The following DOCK7 variants were observed in gnomAD, a reference collection of about 807,000 sequenced individuals.
DOCK7 encodes dedicator of cytokinesis 7, also known as dedicator of cytokinesis protein 7.
DOCK7 carries 138 observed loss-of-function variants against 271.0 expected under a neutral mutation model. The ratio of observed to expected loss-of-function variants is 0.51; its 90% CI spans 0.44 to 0.59. The LOEUF is 0.59. Ranked by LOEUF, DOCK7 falls within the 20% of genes least tolerant of loss-of-function variation. DOCK7 has a pLI of 0.00. For synonymous variants in DOCK7, 823 were observed against 876.1 expected, an observed-to-expected ratio of 0.94 and a Z score of 1.07; for missense variants, 2,066 against 2,592.4, an observed-to-expected ratio of 0.80 and a Z score of 4.41.
rs1422451855 is a variant in DOCK7, at chr1:62,483,926, C to T, written c.5508+3472G>A. Reference sequence around the variant, plus strand: ...AGTGTCACATTTACCCACTTGACTACCCAAAAGTACTTGTTTTCACTATGC... The same window carrying T: ...AGTGTCACATTTACCCACTTGACTATCCAAAAGTACTTGTTTTCACTATGC... On this transcript the variant is annotated intron_variant, in intron 43 of 49. Coordinates refer to ENST00000635253, the MANE Select transcript of DOCK7 (RefSeq NM_001367561.1). 3.3e-5 allele frequency: 5 copies of T among 152,238 alleles called. No homozygotes were observed. In the Middle Eastern group the frequency reaches 0.014, roughly 414 times the overall value. 9.4% of individuals were successfully genotyped at this position (152,238 alleles called of 1,614,324 possible).
At chr1:62,576,348 C>T (rs1646940313) in intron 18 of DOCK7, among the ~76,000 whole-genome samples, 1 of 152,038 alleles carries the variant, frequency 6.6e-6, no homozygotes, top group African/African-American at 2.4e-5. Flanking sequence ...AAATGAAGAA[C>T]CAGGCTTTGT....
At chr1:62,577,205 T>A (rs1646965363) in intron 18 of DOCK7, 57 bp downstream of exon 18, 10 of 1,111,304 alleles carry the variant, frequency 9.0e-6, no homozygotes, top group Middle Eastern at 4.3e-4. Context: ...AAAACATCTT[T>A]ATAGTAAAAA....
At chr1:62,645,130 A>C (rs1162458757) in intron 7 of DOCK7, among the ~76,000 whole-genome samples, 1 of 152,182 alleles carries the variant, frequency 6.6e-6, no homozygotes, top group Admixed American at 6.5e-5. Flanking sequence ...CTGCTTTGGA[A>C]AACAGTCTGG....
intron 22 of DOCK7, among the ~76,000 whole-genome samples, chr1:62,548,775 G>A (rs1288893673): frequency 6.6e-6 from 1 of 152,172 alleles, no homozygotes. Flanking sequence ...ACAGAGCACA[G>A]GGTAGAAGTA....
intron 44 of DOCK7, among the ~76,000 whole-genome samples, chr1:62,476,757 C>T (rs1364896160): frequency 3.9e-5 from 6 of 152,080 alleles, no homozygotes; most frequent in East Asian, 3.8e-4. Flanking sequence ...AAGGAAAAAT[C>T]GAATTTGAAT....
At chr1:62,661,321 G>C (rs1221907863) in intron 2 of DOCK7, among the ~76,000 whole-genome samples, 2 of 151,912 alleles carry the variant, frequency 1.3e-5, no homozygotes, top group Admixed American at 6.6e-5. Context: ...TTTCAGTATG[G>C]GATAATGAAA....
chr1:62,499,352 A>G (rs550759669), intron 37 of DOCK7, among the ~76,000 whole-genome samples: 26 of 152,292 alleles, frequency 1.7e-4, no homozygotes, highest in African/African-American at 6.0e-4. Flanking sequence ...CCACTTCTGG[A>G]TTTCATGTAA....
rs1644565020 is a variant in DOCK7, at chr1:62,513,577, G to T, written c.4149C>A (p.Ser1383Arg). The T allele has an allele frequency of 6.2e-7, 1 of 1,613,674 alleles. No homozygotes were observed. The highest frequency in any genetic ancestry group is 1.1e-5 in the South Asian group (1 of 90,988). ...KGKKVFERMN[S>R]LTFKKSKDMR... is the part of the protein sequence containing the mutation. Reference sequence around the variant, plus strand: ...TGTCTTTTGATTTCTTAAAGGTCAAGCTATTCATTCGTTCAAACACTTTTT... The same window carrying T: ...TGTCTTTTGATTTCTTAAAGGTCAATCTATTCATTCGTTCAAACACTTTTT... Residue 1383 changes from serine to arginine, a missense_variant, in exon 33 of 50, where the codon AGC (serine) becomes AGA (arginine). Transcript: ENST00000635253.
At chr1:62,518,107 A>T (rs1020870421) in intron 31 of DOCK7, among the ~76,000 whole-genome samples, 3 of 152,238 alleles carry the variant, frequency 2.0e-5, no homozygotes, top group African/African-American at 7.2e-5. Context: ...AAAAGGTGAA[A>T]ATATGTGAAG....
intron 14 of DOCK7, chr1:62,598,708 A>G (rs1373640765): frequency 1.9e-6 from 3 of 1,607,614 alleles, no homozygotes; most frequent in Non-Finnish European, 2.6e-6. Flanking sequence ...TTTTGTAGAA[A>G]AACAAGATAA....
At position 62,613,194 on chromosome 1, in the gene DOCK7, T is replaced by C. The variant is rs183921491; in HGVS notation, c.1682+5512A>G. Among the ~76,000 whole-genome samples, 7 of 152,352 alleles carry C rather than the reference T, an allele frequency of 4.6e-5. No individual in the cohort carries two copies. The East Asian group carries it at 1.3e-3, about 29-fold the overall frequency. ...TACTTAATGTTAACAATTACACTAGTACTTTTTCTAAAATACTGTGATAGG... is the reference window on the plus strand; with the variant it reads ...TACTTAATGTTAACAATTACACTAGCACTTTTTCTAAAATACTGTGATAGG... On this transcript the variant is annotated intron_variant, in intron 14 of 49. Coordinates refer to ENST00000635253, the MANE Select transcript of DOCK7 (RefSeq NM_001367561.1).
chr1:62,668,127 C>A (rs1346060130), intron 1 of DOCK7, among the ~76,000 whole-genome samples: 2 of 152,330 alleles, frequency 1.3e-5, no homozygotes, highest in Middle Eastern at 3.4e-3. Context: ...AAATGTTTAA[C>A]CTGAATCGAA....
chr1:62,487,500 C>A, intron 42 of DOCK7, 88 bp from the exon 43 acceptor site: 4 of 1,180,680 alleles, frequency 3.4e-6, no homozygotes, highest in Non-Finnish European at 5.0e-6. Context: ...ACCATAAATT[C>A]TTCTCCACAA....
At chr1:62,641,405 C>A in intron 7 of DOCK7, 1 of 397,738 alleles carries the variant, frequency 2.5e-6, no homozygotes, top group Non-Finnish European at 5.0e-6. Flanking sequence ...GAGTGGGATC[C>A]CATCAAACAT....
At chr1:62,586,204 T>C (rs1647497241) in intron 15 of DOCK7, among the ~76,000 whole-genome samples, 1 of 152,210 alleles carries the variant, frequency 6.6e-6, no homozygotes, top group Non-Finnish European at 1.5e-5. Flanking sequence ...TAGAGTTCTC[T>C]AGGTGATCTA....
chr1:62,513,962 T>C, intron 31 of DOCK7, 64 bp from the exon 32 acceptor site: 1 of 1,430,980 alleles, frequency 7.0e-7, no homozygotes, highest in Non-Finnish European at 9.5e-7. Context: ...TTTTTGGCTA[T>C]CAACTGTTTT....
rs1645914619 is a variant in DOCK7 at position 62,474,431 on chromosome 1, TC to T, written c.6106-344del. Among the ~76,000 whole-genome samples the T allele has an allele frequency of 3.3e-5, 5 of 152,350 alleles. No homozygotes were observed. In the South Asian group the frequency reaches 1.0e-3, roughly 32 times the overall value. On this transcript the variant is annotated intron_variant, in intron 47 of 49. Coordinates refer to ENST00000635253, the MANE Select transcript of DOCK7 (RefSeq NM_001367561.1). ...GTTGTCAAGCTACTACATCTGCCAA[TC>T]CGCTGATTATCAGAGTTGATTTTGC...
chr1:62,559,852 G>A (rs1266873508), intron 19 of DOCK7, among the ~76,000 whole-genome samples: 1 of 152,142 alleles, frequency 6.6e-6, no homozygotes, highest in African/African-American at 2.4e-5. Flanking sequence ...ATGGCTCACT[G>A]TGCCTCAAAC....
At chr1:62,671,185 C>T (rs556263950) in intron 1 of DOCK7, among the ~76,000 whole-genome samples, 1 of 152,314 alleles carries the variant, frequency 6.6e-6, no homozygotes, top group African/African-American at 2.4e-5. Context: ...AGAGCTGTAA[C>T]ACTCACTGCG....
Sources: gnomAD v4.1 joint callset for allele counts (sites outside exome capture counted in the v4.1 genomes callset) on GRCh38, gnomAD v4.1.1 for gene constraint, MANE v1.5 for transcripts, NCBI Gene and HGNC (gene_info 2026-07-23, HGNC 2026-07-21) for gene names.